The following NRG1 variants were observed in gnomAD, a reference collection of about 807,000 sequenced individuals.
NRG1 encodes pro-neuregulin-1, membrane-bound isoform.
In NRG1, 18 loss-of-function variants were observed where a neutral mutation model predicts 63.8. That is an observed-to-expected ratio of 0.28 (90% CI 0.19 to 0.42). The LOEUF (loss-of-function observed/expected upper bound fraction) is 0.42. NRG1 is among the 10% of genes least tolerant of loss of function. The pLI, the probability that NRG1 is intolerant of heterozygous loss-of-function variation, is 1.00. For missense variants in NRG1, 762 were observed against 814.7 expected (o/e 0.94, Z 0.79); for synonymous variants, 302 against 301.3 (o/e 1.00, Z -0.02).
chr8:31,950,477 G>C (rs1238073167), intron 1 of NRG1, among the ~76,000 whole-genome samples: 1 of 152,182 alleles, frequency 6.6e-6, no homozygotes, highest in Admixed American at 6.5e-5. Flanking sequence ...TTTCTCTCCA[G>C]ACACTAGTCA....
At chr8:32,617,994 G>A (rs1209731860) in intron 5 of NRG1, among the ~76,000 whole-genome samples, 1 of 152,108 alleles carries the variant, frequency 6.6e-6, no homozygotes, top group Non-Finnish European at 1.5e-5. Flanking sequence ...CTGGATTGAT[G>A]GCAATAGCCT....
chr8:32,596,385 C>T (rs1426299274), intron 2 of NRG1, among the ~76,000 whole-genome samples: 2 of 151,992 alleles, frequency 1.3e-5, no homozygotes, highest in Non-Finnish European at 2.9e-5. Context: ...GGGCAGATCA[C>T]CTGAAGTCAG....
intron 1 of NRG1, among the ~76,000 whole-genome samples, chr8:31,975,034 G>A (rs1246051262): frequency 6.6e-6 from 1 of 152,142 alleles, no homozygotes; most frequent in Non-Finnish European, 1.5e-5. Context: ...ACTAGGTTCT[G>A]GGTCTTTACT....
intron 1 of NRG1, among the ~76,000 whole-genome samples, chr8:32,019,122 G>A (rs536296704): frequency 5.3e-5 from 8 of 151,768 alleles, no homozygotes; most frequent in African/African-American, 1.7e-4. Flanking sequence ...TTTTTGAGAC[G>A]GAGTCTCACT....
intron 5 of NRG1, among the ~76,000 whole-genome samples, chr8:32,689,500 T>C (rs1563952114): frequency 6.6e-6 from 1 of 152,186 alleles, no homozygotes; most frequent in Non-Finnish European, 1.5e-5. Flanking sequence ...ATTTACCTTT[T>C]ATATTCTTGT....
At chr8:32,555,883 T>C (rs1311347391) in intron 1 of NRG1, among the ~76,000 whole-genome samples, 2 of 152,354 alleles carry the variant, frequency 1.3e-5, no homozygotes, top group Middle Eastern at 3.4e-3. Flanking sequence ...AGGATATTAC[T>C]CCCCTTCCCT....
At chr8:32,503,661 T>G (rs1349625597) in intron 1 of NRG1, among the ~76,000 whole-genome samples, 1 of 152,144 alleles carries the variant, frequency 6.6e-6, no homozygotes, top group Admixed American at 6.6e-5. Flanking sequence ...TCTCTTTAAT[T>G]AAAGAAATAA....
chr8:31,997,139 T>A (rs1812124637), intron 1 of NRG1, among the ~76,000 whole-genome samples: 2 of 151,832 alleles, frequency 1.3e-5, no homozygotes, highest in Admixed American at 1.3e-4. Flanking sequence ...GGCATTTTTT[T>A]ATCATTTGCC....
chr8:32,401,283 C>T (rs550983928), intron 1 of NRG1, among the ~76,000 whole-genome samples: 14 of 152,220 alleles, frequency 9.2e-5, no homozygotes, highest in African/African-American at 3.1e-4. Flanking sequence ...ACATGTACCC[C>T]TGAACCTAAA....
At chr8:32,356,243 T>A (rs1196730005) in intron 1 of NRG1, among the ~76,000 whole-genome samples, 1 of 152,312 alleles carries the variant, frequency 6.6e-6, no homozygotes, top group East Asian at 1.9e-4. Context: ...TGTTTAAAGT[T>A]CCATTTCCAG....
rs1156629732 is a variant in NRG1, at chr8:32,742,880, A to T, written c.691+147A>T. 1.2e-5 allele frequency: 19 copies of T among 1,558,088 alleles called. No homozygotes were observed. The highest frequency in any genetic ancestry group is 1.7e-5 in the Non-Finnish European group (19 of 1,148,938). ...ATTGACTGCCTCTGCCTGTCGCATG[A>T]GAACATTAACAAAAGCAATTGTATT... On this transcript the variant is annotated intron_variant, in intron 7 of 11. Transcript: ENST00000356819. The surrounding 1 kb of genome is among the most constrained non-coding windows in gnomAD (Gnocchi z 4.2).
intron 1 of NRG1, among the ~76,000 whole-genome samples, chr8:32,106,666 T>A (rs1188925829): frequency 6.6e-6 from 1 of 152,130 alleles, no homozygotes; most frequent in Non-Finnish European, 1.5e-5. Flanking sequence ...TATTCACAAT[T>A]AAAAATATAT....
At chr8:32,198,394 T>G (rs1253339278) in intron 1 of NRG1, among the ~76,000 whole-genome samples, 2 of 152,132 alleles carry the variant, frequency 1.3e-5, no homozygotes, top group Non-Finnish European at 1.5e-5. Context: ...GTCAGGCTGG[T>G]CTCGAACTCC....
chr8:31,717,847 A>G (rs1432001297), intron 1 of NRG1, among the ~76,000 whole-genome samples: 5 of 152,168 alleles, frequency 3.3e-5, no homozygotes, highest in Non-Finnish European at 7.3e-5. Context: ...TCTTTGAGAT[A>G]CCTAGGAATA....
At chr8:31,704,825 C>A (rs1810978330) in intron 1 of NRG1, among the ~76,000 whole-genome samples, 1 of 106,872 alleles carries the variant, frequency 9.4e-6, no homozygotes, top group African/African-American at 3.6e-5. Context: ...GAGTGAGACT[C>A]CGTCTAAAAA....
intron 1 of NRG1, among the ~76,000 whole-genome samples, chr8:31,898,058 T>A (rs1415607185): frequency 1.3e-5 from 2 of 151,228 alleles, no homozygotes; most frequent in Non-Finnish European, 2.9e-5. Flanking sequence ...AAGAAAATCT[T>A]AGAAGCCCCT....
At chr8:31,661,981 T>C (rs962133597) in intron 1 of NRG1, among the ~76,000 whole-genome samples, 1 of 152,196 alleles carries the variant, frequency 6.6e-6, no homozygotes, top group Admixed American at 6.5e-5. Context: ...CAAACGAGTT[T>C]CTGAAATGAA....
chr8:32,763,181 A>T lies in NRG1; in HGVS notation c.1260-567A>T, dbSNP rs76722588. The T allele has an allele frequency of 2.7e-3, 4,337 of 1,604,710 alleles. 4 individuals are homozygous for T. Among genetic ancestry groups the T allele is most frequent in the Non-Finnish European group, 3.4e-3 (4,022 of 1,173,128 alleles). ...CAAATGTATGACACTGTTGTCAGGA[A>T]TAAATCTAAGTTACTATGCTCTTTT... On this transcript the variant is annotated intron_variant, in intron 11 of 11. Coordinates refer to ENST00000356819, the Ensembl canonical transcript of NRG1.
intron 1 of NRG1, among the ~76,000 whole-genome samples, chr8:32,166,015 T>C (rs1303329350): frequency 6.6e-6 from 1 of 152,182 alleles, no homozygotes; most frequent in Admixed American, 6.5e-5. Flanking sequence ...CTCACCCTGC[T>C]TTACCTTAGG....
Sources: allele counts gnomAD v4.1 joint callset (sites outside exome capture counted in the v4.1 genomes callset), GRCh38; gene constraint gnomAD v4.1.1; non-coding constraint Gnocchi (gnomAD v3.1); transcripts MANE v1.5; gene names NCBI Gene and HGNC (gene_info 2026-07-23, HGNC 2026-07-21).